Variants in APOBEC3D observed in about 807,000 individuals in gnomAD.
The protein encoded by APOBEC3D is DNA dC->dU-editing enzyme APOBEC-3D.
APOBEC3D carries 37 observed loss-of-function variants against 45.6 expected under a neutral mutation model. That is an observed-to-expected ratio of 0.81 (90% confidence interval 0.62 to 1.07). The LOEUF (loss-of-function observed/expected upper bound fraction) is 1.07, where lower values mean the gene tolerates loss of function less well. Ranked by LOEUF, APOBEC3D falls within the 50% of genes least tolerant of loss-of-function variation. The pLI, the probability that APOBEC3D is intolerant of heterozygous loss-of-function variation, is 0.00. For synonymous variants in APOBEC3D, 175 were observed against 180.7 expected (o/e 0.97, Z 0.25); for missense variants, 496 against 495.3 (o/e 1.00, Z -0.01).
Position 39,025,079 on chromosome 22 carries a change from C to T in APOBEC3D, c.220C>T (p.Arg74Trp), listed in dbSNP as rs762513472. ...QSNHRQEVYF[R>W]FENHAEMCFL... is the part of the protein sequence containing the mutation. ...CCTGCTCCTCTCCCAGGTGTATTTCCGGTTTGAGAACCACGCAGAAATGTG... is the reference window on the plus strand; with the variant it reads ...CCTGCTCCTCTCCCAGGTGTATTTCTGGTTTGAGAACCACGCAGAAATGTG... Residue 74 changes from arginine (R) to tryptophan (W), a missense_variant, in exon 3 of 7, where the codon CGG becomes TGG. Arg to Trp is a moderately radical substitution (Grantham distance 101, BLOSUM62 -3). Transcript: ENST00000216099. 41 of 1,534,584 alleles carry T rather than the reference C, an allele frequency of 2.7e-5. No individual in the cohort carries two copies. The highest frequency in any genetic ancestry group is 7.0e-5 in the South Asian group (6 of 85,126).
Position 39,022,735 on chromosome 22 carries a change from G to A in APOBEC3D, c.18-87G>A, listed in dbSNP as rs143409129. ...GGAGGGGTGGGGGAGGCCCAGGGCC[G>A]TCCCGGGAGCTGTGTTCAGTGGACA... On this transcript the variant is annotated intron_variant, in intron 1 of 6. Transcript: ENST00000216099. 8.3e-3 allele frequency: 12,357 copies of A among 1,491,632 alleles called. 965 individuals carry two copies. In the African/African-American group the frequency reaches 0.16, roughly 19 times the overall value. 92.4% of individuals were successfully genotyped at this position (1,491,632 alleles called of 1,614,324 possible). A position where few individuals can be genotyped will look rare whatever the true frequency, so the allele number is the denominator to read the frequency against.
At chr22:39,030,456 G>A (rs927133441) in intron 5 of APOBEC3D, among the ~76,000 whole-genome samples, 3 of 152,224 alleles carry the variant, frequency 2.0e-5, no homozygotes, top group East Asian at 1.9e-4. Flanking sequence ...CTAAAAAGGC[G>A]ATAAGAACTC....
chr22:39,029,641 C>CTTT (rs11440048), intron 5 of APOBEC3D, 122 bp downstream of exon 5: 381 of 949,718 alleles, frequency 4.0e-4, no homozygotes, highest in Middle Eastern at 7.6e-4. Flanking sequence ...ACATTTCTTT[C>CTTT]TTTTTTTTTT....
intron 5 of APOBEC3D, among the ~76,000 whole-genome samples, chr22:39,029,800 G>A (rs995647952): frequency 2.6e-5 from 4 of 151,928 alleles, no homozygotes; most frequent in Admixed American, 6.6e-5. Flanking sequence ...TAGTAGAGAC[G>A]GGGTTTCACC....
At chr22:39,027,531 C>T (rs1262864526) in intron 4 of APOBEC3D, among the ~76,000 whole-genome samples, 4 of 152,118 alleles carry the variant, frequency 2.6e-5, no homozygotes, top group East Asian at 3.9e-4. Context: ...TCACTCACAG[C>T]GCAGGTGTCT....
rs546299125 is a variant in APOBEC3D at position 39,028,701 on chromosome 22, C to T, written c.606-662C>T. On this transcript the variant is annotated intron_variant, in intron 4 of 6. Coordinates refer to ENST00000216099, the MANE Select transcript of APOBEC3D (RefSeq NM_152426.4). ...CGGTAATCCCAGCACTTTGGTAGGC[C>T]GAGGTGGGTGGATCACAAGGTCAGG... Among the ~76,000 whole-genome samples, 32 of 152,234 alleles carry T rather than the reference C, an allele frequency of 2.1e-4. No homozygotes were observed. In the South Asian group the frequency reaches 5.4e-3, roughly 26 times the overall value.
intron 4 of APOBEC3D, among the ~76,000 whole-genome samples, chr22:39,028,450 A>G (rs1451267897): frequency 6.6e-6 from 1 of 152,198 alleles, no homozygotes; most frequent in Admixed American, 6.5e-5. Context: ...TAAAATAGGG[A>G]TGGCCCCTGC....
chr22:39,023,113 ATTT>A lies in APOBEC3D; in HGVS notation c.210+100_210+102del, dbSNP rs1603275586. The A allele has an allele frequency of 1.2e-5, 10 of 865,362 alleles. No homozygotes were observed. The East Asian group carries it at 4.2e-4, about 36-fold the overall frequency. 53.6% of individuals were successfully genotyped at this position (865,362 alleles called of 1,614,324 possible). On this transcript the variant is annotated intron_variant, in intron 2 of 6. Coordinates refer to ENST00000216099, the MANE Select transcript of APOBEC3D (RefSeq NM_152426.4). ...CCACATTTATTTATTTTTTCTATTT[ATTT>A]ATTTATTTATTTATTTTGAGACAGA...
intron 2 of APOBEC3D, among the ~76,000 whole-genome samples, chr22:39,023,602 G>A (rs543394462): frequency 3.6e-4 from 54 of 151,546 alleles, no homozygotes; most frequent in East Asian, 9.7e-4. Flanking sequence ...GCACGCCACC[G>A]TGCCCAGCTA....
At chr22:39,023,164 G>A (rs1725113612) in intron 2 of APOBEC3D, 150 bp downstream of exon 2, 2 of 669,728 alleles carry the variant, frequency 3.0e-6, no homozygotes, top group Non-Finnish European at 4.0e-6. Flanking sequence ...CGCCCAGGCT[G>A]GAGTGCAGTG....
chr22:39,029,303 G>A, intron 4 of APOBEC3D, 60 bp from the exon 5 acceptor site: 1 of 1,592,146 alleles, frequency 6.3e-7, no homozygotes. Flanking sequence ...AGGGAGTTGT[G>A]TTCAGTGGGC....
chr22:39,029,463 G>A lies in APOBEC3D; in HGVS notation c.706G>A (p.Glu236Lys). 2 of 1,614,164 alleles carry A rather than the reference G, an allele frequency of 1.2e-6. No individual in the cohort carries two copies. The highest frequency in any genetic ancestry group is 1.7e-6 in the Non-Finnish European group (2 of 1,180,038). The change falls in exon 5 of 7, where the codon GAA becomes AAA. Residue 236 changes from glutamate to lysine, a missense_variant. Glu to Lys is a moderately conservative substitution (Grantham distance 56). Coordinates refer to ENST00000216099, the MANE Select transcript of APOBEC3D (RefSeq NM_152426.4). The stretch of plus-strand genomic sequence containing the variant: ...CGAAAGCTGGCTGTGCTTCACCATG[G>A]AAGTTACAAAGCACCACTCAGCTGT... ...RNESWLCFTM[E>K]VTKHHSAVFR... is the part of the protein sequence containing the mutation.
chr22:39,028,521 C>T lies in APOBEC3D; in HGVS notation c.606-842C>T, dbSNP rs1358076722. On this transcript the variant is annotated intron_variant, in intron 4 of 6. Transcript: ENST00000216099. ...CAGCACTTAGGAGAGTAGCCTGGAC[C>T]GGCCGGGCTCAGTGGCTCATGCCTG... Among the ~76,000 whole-genome samples, 6 of 152,230 alleles carry T rather than the reference C, an allele frequency of 3.9e-5. No individual in the cohort carries two copies. In the South Asian group the frequency reaches 6.2e-4, roughly 16 times the overall value.
At chr22:39,027,675 C>T (rs1380464694) in intron 4 of APOBEC3D, among the ~76,000 whole-genome samples, 1 of 152,228 alleles carries the variant, frequency 6.6e-6, no homozygotes, top group Non-Finnish European at 1.5e-5. Flanking sequence ...CCCATGGGGC[C>T]TCTGCTGCCC....
At chr22:39,023,277 G>A (rs1291610357) in intron 2 of APOBEC3D, among the ~76,000 whole-genome samples, 15 of 151,396 alleles carry the variant, frequency 9.9e-5, no homozygotes, top group Non-Finnish European at 1.8e-4. Flanking sequence ...TACCACGCCC[G>A]GCTAATTTTT....
Position 39,025,063 on chromosome 22 carries a change from C to A in APOBEC3D, c.211-7C>A. 6.8e-7 allele frequency: 1 copy of A among 1,471,586 alleles called. No individual in the cohort carries two copies. The highest frequency in any genetic ancestry group is 1.2e-5 in the South Asian group (1 of 81,314). 91.2% of individuals were successfully genotyped at this position (1,471,586 alleles called of 1,614,324 possible). A position where few individuals can be genotyped will look rare whatever the true frequency, so the allele number is the denominator to read the frequency against. ...CAGAGCTTCCCCTGCCCCTGCTCCTCTCCCAGGTGTATTTCCGGTTTGAGA... is the reference window on the plus strand; with the variant it reads ...CAGAGCTTCCCCTGCCCCTGCTCCTATCCCAGGTGTATTTCCGGTTTGAGA... On this transcript the variant is annotated splice_polypyrimidine_tract_variant and splice_region_variant and intron_variant, in intron 2 of 6. Transcript: ENST00000216099.
rs1390965178 is a variant in APOBEC3D at position 39,021,665 on chromosome 22, C to T, written c.17+129C>T. On this transcript the variant is annotated intron_variant, in intron 1 of 6. Transcript: ENST00000216099. ...ACTTCCTTCCCTCTGGCTTCCCTGC[C>T]GCCCCCACTCCCAGCCAGACTCCTT... 1.5e-5 allele frequency: 20 copies of T among 1,306,570 alleles called. No individual in the cohort carries two copies. The East Asian group carries it at 2.1e-4, about 14-fold the overall frequency. The allele number at this position is 1,306,570 out of a possible 1,614,324, so 80.9% of individuals were successfully genotyped here.
At chr22:39,021,792 C>T (rs1258907914) in intron 1 of APOBEC3D, among the ~76,000 whole-genome samples, 2 of 152,218 alleles carry the variant, frequency 1.3e-5, no homozygotes, top group African/African-American at 2.4e-5. Context: ...AAAGTCATGG[C>T]CAGGCCGGTG....
intron 1 of APOBEC3D, among the ~76,000 whole-genome samples, chr22:39,022,369 C>A (rs1925203351): frequency 6.6e-6 from 1 of 152,202 alleles, no homozygotes; most frequent in Non-Finnish European, 1.5e-5. Context: ...ATGAGCCCAC[C>A]CCCACGCAGC....
Sources: allele counts gnomAD v4.1 joint callset (sites outside exome capture counted in the v4.1 genomes callset), GRCh38; gene constraint gnomAD v4.1.1; transcripts MANE v1.5; gene names NCBI Gene and HGNC (gene_info 2026-07-23, HGNC 2026-07-21).